RANBP2: variants seen among roughly 807,000 people sequenced by gnomAD.
RANBP2 encodes the protein RAN binding protein 2, also known as E3 SUMO-protein ligase RanBP2.
RANBP2 carries 57 observed loss-of-function variants against 303.6 expected under a neutral mutation model. The ratio of observed to expected loss-of-function variants is 0.19; its 90% confidence interval spans 0.15 to 0.23. RANBP2 has a LOEUF of 0.23. Ranked by LOEUF, RANBP2 falls within the 10% of genes least tolerant of loss-of-function variation. The probability of loss-of-function intolerance (pLI) is 1.00; values close to 1 mark genes in which losing one functional copy is unlikely to be tolerated. For missense variants in RANBP2, 3,138 were observed against 3,780.8 expected (o/e 0.83, Z 4.46); for synonymous variants, 1,167 against 1,301.5 (o/e 0.90, Z 2.23).
chr2:109,486,311 T>G, the RANBP2 span, among the ~76,000 whole-genome samples: 2 of 152,184 alleles, frequency 1.3e-5, 1 homozygote, highest in Admixed American at 1.3e-4. Flanking sequence ...TTTTACATTT[T>G]GTGGAACTCC....
At chr2:109,155,860 T>C in the RANBP2 span, among the ~76,000 whole-genome samples, 1 of 152,232 alleles carries the variant, frequency 6.6e-6, no homozygotes, top group Non-Finnish European at 1.5e-5. Context: ...AGCTTTGTTA[T>C]AACTATTTTG....
At chr2:109,683,225 C>T in the RANBP2 span, among the ~76,000 whole-genome samples, 2 of 152,074 alleles carry the variant, frequency 1.3e-5, no homozygotes, top group African/African-American at 2.4e-5. Context: ...AGGCTGGTCT[C>T]GAACTCCTGA....
chr2:108,740,355 G>T, intron 6 of RANBP2, 134 bp from the exon 7 acceptor site: 6 of 1,377,376 alleles, frequency 4.4e-6, no homozygotes, highest in Non-Finnish European at 6.0e-6. Context: ...TATAACATGG[G>T]GAATAAGAAT....
At chr2:109,389,483 A>G in the RANBP2 span, among the ~76,000 whole-genome samples, 10 of 152,300 alleles carry the variant, frequency 6.6e-5, no homozygotes, top group South Asian at 2.1e-3. Context: ...TCCATACCAC[A>G]TGGACGCATG....
At chr2:109,028,314 G>A in the RANBP2 span, among the ~76,000 whole-genome samples, 1 of 152,180 alleles carries the variant, frequency 6.6e-6, no homozygotes. Flanking sequence ...GATTTTAAAT[G>A]CTAAACCATA....
At chr2:109,121,100 T>C in the RANBP2 span, among the ~76,000 whole-genome samples, 1 of 152,100 alleles carries the variant, frequency 6.6e-6, no homozygotes, top group East Asian at 1.9e-4. Context: ...CAAAAAAAAT[T>C]AGCCGGACAA....
chr2:108,892,127 A>G, the RANBP2 span, among the ~76,000 whole-genome samples: 2,183 of 152,158 alleles, frequency 0.014, 54 homozygotes, highest in African/African-American at 0.05. Flanking sequence ...CAGCTGTGCT[A>G]AAGTGCTACC....
At chr2:109,743,203 C>G in the RANBP2 span, among the ~76,000 whole-genome samples, 2 of 147,336 alleles carry the variant, frequency 1.4e-5, 1 homozygote, top group African/African-American at 5.2e-5. Flanking sequence ...CCTGGGAGGC[C>G]GATGCTGCAG....
At chr2:109,130,330 A>G in the RANBP2 span, among the ~76,000 whole-genome samples, 8 of 152,188 alleles carry the variant, frequency 5.3e-5, no homozygotes, top group East Asian at 1.4e-3. Flanking sequence ...CCTCCTGTGG[A>G]GTGGGCACGC....
chr2:109,619,144 A>G, the RANBP2 span, among the ~76,000 whole-genome samples: 1 of 152,234 alleles, frequency 6.6e-6, no homozygotes, highest in Non-Finnish European at 1.5e-5. Context: ...CTTACAGATA[A>G]GAAAATAGAG....
chr2:109,352,488 G>A, the RANBP2 span, among the ~76,000 whole-genome samples: 1 of 152,208 alleles, frequency 6.6e-6, no homozygotes, highest in Non-Finnish European at 1.5e-5. Context: ...AATTTGCAGT[G>A]TCGTCTCTGC....
At chr2:109,418,997 T>A in the RANBP2 span, among the ~76,000 whole-genome samples, 1 of 151,994 alleles carries the variant, frequency 6.6e-6, no homozygotes. Flanking sequence ...TCGGGTCATC[T>A]CCTTGCTTAA....
the RANBP2 span, among the ~76,000 whole-genome samples, chr2:108,832,833 G>T: frequency 1.3e-5 from 2 of 152,162 alleles, no homozygotes; most frequent in Non-Finnish European, 2.9e-5. Context: ...TATGGGTGAG[G>T]TATGATGTGA....
the RANBP2 span, among the ~76,000 whole-genome samples, chr2:109,027,115 A>G: frequency 6.6e-6 from 1 of 152,022 alleles, no homozygotes; most frequent in Admixed American, 6.6e-5. Flanking sequence ...GGTGGTTCGC[A>G]CCTGTAATAG....
At chr2:109,341,858 C>T in the RANBP2 span, among the ~76,000 whole-genome samples, 1 of 152,256 alleles carries the variant, frequency 6.6e-6, no homozygotes, top group Non-Finnish European at 1.5e-5. Context: ...TGCCTGCAGG[C>T]AAGGCTGGAA....
chr2:108,872,574 A>G, the RANBP2 span, among the ~76,000 whole-genome samples: 3 of 152,172 alleles, frequency 2.0e-5, no homozygotes, highest in Admixed American at 1.3e-4. Context: ...TTAATGGCGT[A>G]TATTCTAGAG....
intron 17 of RANBP2, among the ~76,000 whole-genome samples, chr2:108,757,647 G>A (rs758192800): frequency 2.6e-5 from 4 of 152,138 alleles, no homozygotes; most frequent in Non-Finnish European, 5.9e-5. Flanking sequence ...GGGAGGTAAC[G>A]CGGAATGTCA....
chr2:109,499,205 G>A, the RANBP2 span, among the ~76,000 whole-genome samples: 2 of 152,172 alleles, frequency 1.3e-5, no homozygotes, highest in Non-Finnish European at 1.5e-5. Flanking sequence ...AGCCGCGGGG[G>A]CCGTGTCTCC....
At chr2:109,579,002 T>C in the RANBP2 span, among the ~76,000 whole-genome samples, 1 of 152,090 alleles carries the variant, frequency 6.6e-6, no homozygotes, top group Admixed American at 6.6e-5. Context: ...AATTTGGTAT[T>C]TGAAAAGATT....
Sources: allele counts gnomAD v4.1 joint callset (sites outside exome capture counted in the v4.1 genomes callset), GRCh38; gene constraint gnomAD v4.1.1; transcripts MANE v1.5; gene names NCBI Gene and HGNC (gene_info 2026-07-23, HGNC 2026-07-21).